The following EVA1C variants were observed in gnomAD, a reference collection of about 807,000 sequenced individuals.
EVA1C encodes the protein eva-1 homolog C.
Under a neutral mutation model 45.4 loss-of-function variants are expected in EVA1C, and 25 were observed. The observed-to-expected ratio is 0.55, with a 90% confidence interval of 0.40 to 0.77. The LOEUF is 0.77. Ranked by LOEUF, EVA1C falls within the 30% of genes least tolerant of loss-of-function variation. EVA1C has a pLI of 0.00. For missense variants in EVA1C, 479 were observed against 554.8 expected (o/e 0.86, Z 1.37); for synonymous variants, 190 against 221.2 (o/e 0.86, Z 1.25).
intron 1 of EVA1C, among the ~76,000 whole-genome samples, chr21:32,451,358 C>T (rs1213992006): frequency 1.3e-5 from 2 of 152,104 alleles, no homozygotes; most frequent in African/African-American, 2.4e-5. Flanking sequence ...GCTGTGACCT[C>T]GTGAGGTGTG....
intron 4 of EVA1C, among the ~76,000 whole-genome samples, chr21:32,484,910 C>T (rs558072517): frequency 6.6e-6 from 1 of 152,322 alleles, no homozygotes; most frequent in South Asian, 2.1e-4. Flanking sequence ...AGGGGCTGGC[C>T]TGTGCCAGAC....
At chr21:32,511,025 G>A (rs562374906) in intron 7 of EVA1C, among the ~76,000 whole-genome samples, 1 of 147,478 alleles carries the variant, frequency 6.8e-6, no homozygotes, top group African/African-American at 2.6e-5. Flanking sequence ...GGGTGACAAA[G>A]GGAGACTCTC....
chr21:32,466,659 A>C (rs544494124), intron 3 of EVA1C, among the ~76,000 whole-genome samples: 2 of 152,232 alleles, frequency 1.3e-5, no homozygotes, highest in South Asian at 4.1e-4. Flanking sequence ...ATCCTAACCT[A>C]GAATGCACCA....
At chr21:32,460,173 C>A (rs1017604743) in intron 3 of EVA1C, among the ~76,000 whole-genome samples, 1 of 152,130 alleles carries the variant, frequency 6.6e-6, no homozygotes, top group African/African-American at 2.4e-5. Context: ...CCCTGAGTGG[C>A]GGTTCTATCG....
intron 3 of EVA1C, 107 bp downstream of exon 3, chr21:32,457,827 C>A: frequency 7.8e-7 from 1 of 1,280,408 alleles, no homozygotes. Flanking sequence ...CTTTGAAACT[C>A]ATTAACAGAC....
intron 4 of EVA1C, among the ~76,000 whole-genome samples, chr21:32,476,760 G>T (rs1419668743): frequency 6.6e-6 from 1 of 152,168 alleles, no homozygotes; most frequent in Non-Finnish European, 1.5e-5. Context: ...CCCCAGGGCT[G>T]CCCGAGGCCT....
intron 3 of EVA1C, among the ~76,000 whole-genome samples, chr21:32,459,224 A>G (rs1393862368): frequency 6.6e-6 from 1 of 151,756 alleles, no homozygotes; most frequent in Admixed American, 6.6e-5. Flanking sequence ...ACACTGTCAT[A>G]CATGCTCACA....
chr21:32,477,107 G>A (rs949444161), intron 4 of EVA1C, among the ~76,000 whole-genome samples: 4 of 152,184 alleles, frequency 2.6e-5, no homozygotes, highest in African/African-American at 9.7e-5. Context: ...CAATGGCCTG[G>A]GGACAGGTGG....
In EVA1C at chr21:32,412,726, G is replaced by T; in HGVS notation, c.-128G>T. ...CAGGGGAGGAGGCTCTGGCAGCCTG[G>T]GCAGGGAGGCGGCGGGGGGCCGCGG... On this transcript the variant is annotated 5_prime_UTR_variant, in exon 1 of 8. Coordinates refer to ENST00000300255, the MANE Select transcript of EVA1C (RefSeq NM_058187.5). 9.9e-7 allele frequency: 1 copy of T among 1,006,700 alleles called. No homozygotes were observed. The highest frequency in any genetic ancestry group is 1.3e-6 in the Non-Finnish European group (1 of 758,240). 62.4% of individuals were successfully genotyped at this position (1,006,700 alleles called of 1,614,324 possible). A position where few individuals can be genotyped will look rare whatever the true frequency, so the allele number is the denominator to read the frequency against.
At chr21:32,463,638 G>A (rs1041957508) in intron 3 of EVA1C, among the ~76,000 whole-genome samples, 5 of 152,004 alleles carry the variant, frequency 3.3e-5, no homozygotes, top group African/African-American at 1.2e-4. Context: ...ACTGTGGGAG[G>A]GTTTTGTTGG....
chr21:32,429,906 G>A (rs142614194), intron 1 of EVA1C, among the ~76,000 whole-genome samples: 163 of 152,138 alleles, frequency 1.1e-3, no homozygotes, highest in South Asian at 1.7e-3. Context: ...GATATTTTAT[G>A]TTCTCTTTTT....
chr21:32,449,862 A>G (rs1455390237), intron 1 of EVA1C, among the ~76,000 whole-genome samples: 1 of 151,980 alleles, frequency 6.6e-6, no homozygotes, highest in Non-Finnish European at 1.5e-5. Context: ...ACCTCAGGTG[A>G]TCTGCCCGCC....
intron 4 of EVA1C, among the ~76,000 whole-genome samples, chr21:32,487,976 G>C (rs1010279803): frequency 1.3e-5 from 2 of 152,204 alleles, no homozygotes; most frequent in Non-Finnish European, 2.9e-5. Context: ...CATCTGATGA[G>C]GGGCTGGGGG....
chr21:32,466,283 G>A (rs1328379057), intron 3 of EVA1C, among the ~76,000 whole-genome samples: 1 of 152,082 alleles, frequency 6.6e-6, no homozygotes, highest in African/African-American at 2.4e-5. Flanking sequence ...GCCGGATGTG[G>A]TGGCGGGTGC....
intron 4 of EVA1C, among the ~76,000 whole-genome samples, chr21:32,492,642 G>C (rs73353088): frequency 0.094 from 14,260 of 151,790 alleles, 780 homozygotes; most frequent in Middle Eastern, 0.2. Context: ...CCCCCCACAG[G>C]CATCTCCAGA....
At chr21:32,483,746 T>C (rs1032032974) in intron 4 of EVA1C, among the ~76,000 whole-genome samples, 2 of 152,322 alleles carry the variant, frequency 1.3e-5, no homozygotes, top group East Asian at 1.9e-4. Context: ...TTTCAGACCA[T>C]GAATTCATTC....
chr21:32,446,590 C>G (rs1286961549), intron 1 of EVA1C, among the ~76,000 whole-genome samples: 1 of 152,176 alleles, frequency 6.6e-6, no homozygotes, highest in African/African-American at 2.4e-5. Flanking sequence ...GCCCAGCACA[C>G]TGGAATGCAT....
intron 4 of EVA1C, among the ~76,000 whole-genome samples, chr21:32,481,144 T>C (rs1020315539): frequency 6.6e-6 from 1 of 152,140 alleles, no homozygotes; most frequent in Non-Finnish European, 1.5e-5. Context: ...ACTTCTAAAA[T>C]GTGAACATGT....
intron 1 of EVA1C, among the ~76,000 whole-genome samples, chr21:32,429,748 T>C (rs9977024): frequency 0.3 from 46,132 of 152,004 alleles, 7,307 homozygotes; most frequent in East Asian, 0.48. Context: ...AAATATAATG[T>C]AATCCACATG....
Sources: gnomAD v4.1 joint callset for allele counts (sites outside exome capture counted in the v4.1 genomes callset) on GRCh38, gnomAD v4.1.1 for gene constraint, MANE v1.5 for transcripts, NCBI Gene and HGNC (gene_info 2026-07-23, HGNC 2026-07-21) for gene names.